Variants in CPVL observed in about 807,000 individuals in gnomAD.
CPVL encodes the protein carboxypeptidase vitellogenic like.
Under a neutral mutation model 63.7 loss-of-function variants are expected in CPVL, and 51 were observed. The ratio of observed to expected loss-of-function variants is 0.80; its 90% CI spans 0.64 to 1.01. The LOEUF is 1.01. CPVL is among the 50% of genes least tolerant of loss of function. CPVL has a pLI of 0.00. For synonymous variants in CPVL, 195 were observed against 206.0 expected (o/e 0.95, Z 0.46); for missense variants, 530 against 573.1 (o/e 0.92, Z 0.77).
At chr7:29,157,830 G>A (rs1794623164) in intron 5 of CPVL, among the ~76,000 whole-genome samples, 1 of 141,448 alleles carries the variant, frequency 7.1e-6, no homozygotes, top group Non-Finnish European at 1.6e-5. Context: ...GCACTTAGGA[G>A]GATGCTAAAA....
intron 12 of CPVL, among the ~76,000 whole-genome samples, chr7:29,020,582 T>C (rs1022056379): frequency 1.3e-5 from 2 of 152,154 alleles, no homozygotes; most frequent in African/African-American, 2.4e-5. Flanking sequence ...CCTATAAGGA[T>C]ACCATAGTGG....
At chr7:28,996,549 C>CAAAAAAAAAAAA (rs549584191) in intron 12 of CPVL, among the ~76,000 whole-genome samples, 6 of 113,584 alleles carry the variant, frequency 5.3e-5, no homozygotes, top group Non-Finnish European at 9.9e-5. Flanking sequence ...AACCAAAAAA[C>CAAAAAAAAAAAA]AAAAAAAAAA....
At chr7:29,119,275 T>A (rs1789093651) in intron 2 of CPVL, among the ~76,000 whole-genome samples, 1 of 152,060 alleles carries the variant, frequency 6.6e-6, no homozygotes, top group African/African-American at 2.4e-5. Context: ...TGACTTGAGG[T>A]CAGGAGTTTG....
chr7:29,005,664 C>A (rs1785122404), intron 12 of CPVL, among the ~76,000 whole-genome samples: 1 of 152,180 alleles, frequency 6.6e-6, no homozygotes. Flanking sequence ...CACAGAAATG[C>A]CAGGAAAGCA....
intron 1 of CPVL, among the ~76,000 whole-genome samples, chr7:29,135,364 C>T (rs1430027185): frequency 1.3e-5 from 2 of 151,168 alleles, no homozygotes; most frequent in African/African-American, 4.9e-5. Flanking sequence ...CGGAGTCTTG[C>T]TCTGTCGCCC....
chr7:28,995,426 G>A lies in CPVL; in HGVS notation c.*346C>T, dbSNP rs1229134287. The A allele has an allele frequency of 5.2e-6, 1 of 191,308 alleles. No homozygotes were observed. Among genetic ancestry groups the A allele is most frequent in the African/African-American group, 2.4e-5 (1 of 42,066 alleles). The allele number at this position is 191,308 out of a possible 1,614,324, so 11.9% of individuals were successfully genotyped here. ...GTTATTGGCAGAAAAAGATGTTACA[G>A]CTTTGTTTGTTACAACTGCACTTTT... On this transcript the variant is annotated 3_prime_UTR_variant, in exon 13 of 13. Transcript: ENST00000265394.
rs115686895 is a variant in CPVL at position 29,116,758 on chromosome 7, C to G, written c.170-3936G>C. 4.5e-3 allele frequency among the ~76,000 whole-genome samples: 679 copies of G among 152,288 alleles called. 8 individuals carry two copies. The highest frequency in any genetic ancestry group is 0.015 in the African/African-American group (638 of 41,558). On this transcript the variant is annotated intron_variant, in intron 2 of 12. Transcript: ENST00000265394. ...ACAAGCTAAAATGTGCCTCCTACTT[C>G]ATTTTGTTTCAGGGAGTAAAGATTT...
chr7:29,006,541 A>AC (rs1356414456), intron 12 of CPVL, among the ~76,000 whole-genome samples: 2 of 152,206 alleles, frequency 1.3e-5, no homozygotes, highest in Non-Finnish European at 2.9e-5. Flanking sequence ...AGACCATGCT[A>AC]CAACATCTAC....
chr7:29,113,053 G>T (rs765641681), intron 2 of CPVL: 2 of 433,304 alleles, frequency 4.6e-6, no homozygotes, highest in East Asian at 3.4e-5. Context: ...GGGGAGGGGT[G>T]CCCAAATATA....
intron 1 of CPVL, among the ~76,000 whole-genome samples, chr7:29,145,603 C>T: frequency 6.6e-6 from 1 of 151,358 alleles, no homozygotes; most frequent in East Asian, 1.9e-4. Context: ...TCAATCATAA[C>T]TGATAAGGAA....
At chr7:29,157,276 A>T (rs191730757) in intron 5 of CPVL, among the ~76,000 whole-genome samples, 10 of 148,552 alleles carry the variant, frequency 6.7e-5, no homozygotes, top group Non-Finnish European at 1.3e-4. Flanking sequence ...TGCTACACCC[A>T]TTGGAACCTG....
intron 3 of CPVL, among the ~76,000 whole-genome samples, chr7:29,109,722 T>C (rs1012750941): frequency 3.3e-5 from 5 of 152,156 alleles, no homozygotes; most frequent in Non-Finnish European, 7.4e-5. Flanking sequence ...CAGAACACCA[T>C]GTACACTTAA....
At chr7:29,126,982 A>G (rs1436822090) in intron 1 of CPVL, 2 of 152,222 alleles carry the variant, frequency 1.3e-5, no homozygotes, top group East Asian at 3.9e-4. Context: ...AGACACGCCT[A>G]TCTCCTTTTC....
At chr7:29,173,130 C>CA (rs56379349) in intron 5 of CPVL, among the ~76,000 whole-genome samples, 4,826 of 80,034 alleles carry the variant, frequency 0.06, 252 homozygotes, top group African/African-American at 0.19. Flanking sequence ...GACTCTGTAT[C>CA]AAAAAAAAAA....
intron 7 of CPVL, among the ~76,000 whole-genome samples, chr7:29,075,975 G>A (rs374317134): frequency 0.01 from 184 of 18,098 alleles, 2 homozygotes; most frequent in African/African-American, 0.045. Context: ...TTTTTGGCAA[G>A]ATCAGACTCA....
rs1181259448 is a variant in CPVL, at chr7:29,030,581, TGGAA to T, written c.1312_1315del (p.Phe438IlefsTer3). 2 of 1,611,040 alleles carry T rather than the reference TGGAA, an allele frequency of 1.2e-6. No homozygotes were observed. The highest frequency in any genetic ancestry group is 2.7e-5 in the African/African-American group (2 of 74,864). ...TGCTCCCAAGCATCTTCCTACCTGA[TGGAA>T]GTCACCCGCTTGCCGGATGTAACCA... On this transcript the variant is annotated frameshift_variant, in exon 12 of 13. Coordinates refer to ENST00000265394, the MANE Select transcript of CPVL (RefSeq NM_031311.5). LOFTEE classifies it high-confidence loss of function.
chr7:29,023,956 G>A (rs921840963), intron 12 of CPVL, among the ~76,000 whole-genome samples: 2 of 152,048 alleles, frequency 1.3e-5, no homozygotes, highest in Non-Finnish European at 1.5e-5. Context: ...TGTGATATGT[G>A]TAAAAAAACA....
In CPVL at chr7:29,121,084, C is replaced by A; in HGVS notation, c.-10-13G>T. The A allele has an allele frequency of 6.4e-7, 1 of 1,558,428 alleles. No homozygotes were observed. Among genetic ancestry groups the A allele is most frequent in the South Asian group, 1.2e-5 (1 of 83,768 alleles). ...CATCTCTCAGGGTCTAGGATAAAAA[C>A]AGCATTCCAAAAATGAATCATAAGA... On this transcript the variant is annotated splice_polypyrimidine_tract_variant and intron_variant, in intron 1 of 12. Transcript: ENST00000265394.
intron 5 of CPVL, among the ~76,000 whole-genome samples, chr7:29,094,302 C>A (rs1241973697): frequency 6.6e-6 from 1 of 151,642 alleles, no homozygotes; most frequent in African/African-American, 2.4e-5. Flanking sequence ...GATGGTGCAA[C>A]TGCACTCCAG....
Sources: allele counts gnomAD v4.1 joint callset (sites outside exome capture counted in the v4.1 genomes callset), GRCh38; gene constraint gnomAD v4.1.1; transcripts MANE v1.5; gene names NCBI Gene and HGNC (gene_info 2026-07-23, HGNC 2026-07-21).